Variants in KLHL22 observed in about 807,000 individuals in gnomAD.
The protein encoded by KLHL22 is kelch like family member 22, also known as kelch-like protein 22.
A neutral mutation model predicts 60.7 loss-of-function variants in KLHL22; 18 were observed. That is an observed-to-expected ratio of 0.30 (90% CI 0.20 to 0.44). The LOEUF is 0.44. KLHL22 is among the 20% of genes least tolerant of loss of function. The pLI is 1.00. For missense variants in KLHL22, 596 were observed against 852.3 expected (o/e 0.70, Z 3.74); for synonymous variants, 355 against 354.5 (o/e 1.00, Z -0.01).
intron 5 of KLHL22, chr22:20,451,149 T>C: frequency 6.4e-7 from 1 of 1,573,050 alleles, no homozygotes; most frequent in South Asian, 1.1e-5. Flanking sequence ...CCAGCCTTAG[T>C]TCAGTGGAAT....
chr22:20,447,650 C>G (rs768283370), intron 5 of KLHL22, among the ~76,000 whole-genome samples: 3 of 148,820 alleles, frequency 2.0e-5, no homozygotes, highest in Non-Finnish European at 3.0e-5. Flanking sequence ...TCGAATGATT[C>G]TCCTGCCTCA....
At position 20,489,188 on chromosome 22, in the gene KLHL22, G is replaced by A; in HGVS notation, c.24C>T (p.Thr8=). 6.2e-7 allele frequency: 1 copy of A among 1,614,018 alleles called. No homozygotes were observed. The highest frequency in any genetic ancestry group is 8.5e-7 in the Non-Finnish European group (1 of 1,180,022). The change falls in exon 2 of 7, where the codon ACC becomes ACT. Residue 8 remains threonine, a synonymous_variant. Coordinates refer to ENST00000328879, the MANE Select transcript of KLHL22 (RefSeq NM_032775.4). ...GCTGTGCAGGCAACTTGCAGAGCTG[G>A]GTGAACTCCTGCTCCTCTGCCATCC... MAEEQEF[T]QLCKLPAQPS...
chr22:20,475,478 G>C (rs2053396472), intron 2 of KLHL22, among the ~76,000 whole-genome samples: 1 of 151,316 alleles, frequency 6.6e-6, no homozygotes, highest in Non-Finnish European at 1.5e-5. Context: ...TGATCCACCT[G>C]TAATTTATTT....
At chr22:20,471,545 T>C in intron 2 of KLHL22, 30 bp from the exon 3 acceptor site, 1 of 1,607,534 alleles carries the variant, frequency 6.2e-7, no homozygotes, top group Non-Finnish European at 8.5e-7. Flanking sequence ...GAAAATGGAG[T>C]TATACCAACA....
intron 2 of KLHL22, among the ~76,000 whole-genome samples, chr22:20,485,452 T>C (rs1266431317): frequency 2.0e-5 from 3 of 152,248 alleles, no homozygotes; most frequent in Non-Finnish European, 4.4e-5. Flanking sequence ...TACAGCTCTC[T>C]GCCCTTCAGG....
chr22:20,493,160 T>C (rs530558028), intron 1 of KLHL22: 1 of 471,288 alleles, frequency 2.1e-6, no homozygotes, highest in African/African-American at 2.0e-5. Context: ...TCCGTGAGCA[T>C]AGTAGTGCCT....
At chr22:20,483,797 G>T in intron 2 of KLHL22, 1 of 745,298 alleles carries the variant, frequency 1.3e-6, no homozygotes, top group Non-Finnish European at 2.4e-6. Flanking sequence ...TCCGGTTCTC[G>T]GTCTCCAGGC....
chr22:20,458,493 G>C (rs1328125620), intron 4 of KLHL22, among the ~76,000 whole-genome samples: 2 of 134,412 alleles, frequency 1.5e-5, no homozygotes, highest in Non-Finnish European at 3.1e-5. Flanking sequence ...CTTGACACCT[G>C]GGATATGGAC....
At chr22:20,450,649 G>A in intron 5 of KLHL22, 1 of 1,577,150 alleles carries the variant, frequency 6.3e-7, no homozygotes, top group Non-Finnish European at 8.7e-7. Flanking sequence ...GAGGCAAGGA[G>A]AGGTGGAAAA....
chr22:20,471,447 T>C lies in KLHL22; in HGVS notation c.296A>G (p.Asn99Ser). ...EEVLIHGVSY[N>S]AMCQILHFIY... is the part of the protein sequence containing the mutation. Reference sequence around the variant, plus strand: ...GAAATGTAGGATTTGGCACATAGCATTGTAGGACACACCGTGGATCAGGAC... The same window carrying C: ...GAAATGTAGGATTTGGCACATAGCACTGTAGGACACACCGTGGATCAGGAC... Residue 99 changes from asparagine to serine, a missense_variant, in exon 3 of 7, where the codon AAT (asparagine) becomes AGT (serine). Transcript: ENST00000328879. The C allele has an allele frequency of 1.9e-6, 3 of 1,614,156 alleles. No individual in the cohort carries two copies. The highest frequency in any genetic ancestry group is 1.1e-5 in the South Asian group (1 of 91,082).
At chr22:20,476,530 C>T (rs1393200552) in intron 2 of KLHL22, among the ~76,000 whole-genome samples, 1 of 148,394 alleles carries the variant, frequency 6.7e-6, no homozygotes, top group Non-Finnish European at 1.5e-5. Context: ...TCTCCTGCCT[C>T]AGCCTCCCGA....
At chr22:20,450,049 C>T (rs1045816949) in intron 5 of KLHL22, 42 of 673,760 alleles carry the variant, frequency 6.2e-5, no homozygotes, top group East Asian at 1.0e-4. Context: ...CAGGCCCTGG[C>T]GCGGCTGTGT....
intron 3 of KLHL22, among the ~76,000 whole-genome samples, chr22:20,466,612 A>G (rs1483890212): frequency 2.0e-5 from 3 of 152,152 alleles, no homozygotes; most frequent in Admixed American, 2.0e-4. Context: ...AGAGCCTCTC[A>G]GACACCTAAC....
rs527729946 is a variant in KLHL22 at position 20,468,675 on chromosome 22, G to T, written c.393+2675C>A. Reference sequence around the variant, plus strand: ...ATTGTGAAGAAGCCTGTTTTTTTTTGTTTGTTTGTTTTTTGTTTTGAGATA... The same window carrying T: ...ATTGTGAAGAAGCCTGTTTTTTTTTTTTTGTTTGTTTTTTGTTTTGAGATA... On this transcript the variant is annotated intron_variant, in intron 3 of 6. Transcript: ENST00000328879. 3.4e-4 allele frequency among the ~76,000 whole-genome samples: 52 copies of T among 151,662 alleles called. No homozygotes were observed. In the East Asian group the frequency reaches 5.4e-3, roughly 16 times the overall value.
intron 3 of KLHL22, among the ~76,000 whole-genome samples, chr22:20,470,867 C>CATGGATGG (rs573307391): frequency 1.4e-5 from 2 of 142,958 alleles, no homozygotes; most frequent in Non-Finnish European, 3.0e-5. Flanking sequence ...TGCGTGCATG[C>CATGGATGG]ATGGATGGAT....
chr22:20,482,388 CA>C (rs1036560522), intron 2 of KLHL22, among the ~76,000 whole-genome samples: 1 of 151,782 alleles, frequency 6.6e-6, no homozygotes, highest in Non-Finnish European at 1.5e-5. Flanking sequence ...AGCATGAAAC[CA>C]ATTTTTTTTT....
At chr22:20,483,636 G>A (rs1473947806) in intron 2 of KLHL22, 2 of 726,512 alleles carry the variant, frequency 2.8e-6, no homozygotes, top group East Asian at 2.6e-5. Flanking sequence ...CAGCAAGACG[G>A]GCATTGTCGA....
intron 6 of KLHL22, among the ~76,000 whole-genome samples, chr22:20,445,773 GT>G (rs544497659): frequency 6.7e-6 from 1 of 149,726 alleles, no homozygotes; most frequent in Non-Finnish European, 1.5e-5. Context: ...GTTTTTTTTT[GT>G]TTTTTTTGAG....
chr22:20,454,082 C>T (rs2053024590), intron 5 of KLHL22, among the ~76,000 whole-genome samples: 1 of 152,186 alleles, frequency 6.6e-6, no homozygotes, highest in African/African-American at 2.4e-5. Flanking sequence ...TCTCTAATCC[C>T]TGCACTTTGG....
Sources: allele counts gnomAD v4.1 joint callset (sites outside exome capture counted in the v4.1 genomes callset), GRCh38; gene constraint gnomAD v4.1.1; transcripts MANE v1.5; gene names NCBI Gene and HGNC (gene_info 2026-07-23, HGNC 2026-07-21).